CACNG2: variants seen among roughly 807,000 people sequenced by gnomAD.
CACNG2 encodes calcium voltage-gated channel auxiliary subunit gamma 2, also known as voltage-dependent calcium channel gamma-2 subunit.
In CACNG2, 3 loss-of-function variants were observed where a neutral mutation model predicts 25.9. That is an observed-to-expected ratio of 0.12 (90% confidence interval 0.05 to 0.30). The LOEUF (loss-of-function observed/expected upper bound fraction) is 0.30, where lower values mean the gene tolerates loss of function less well. Ranked by LOEUF, CACNG2 falls within the 10% of genes least tolerant of loss-of-function variation. The pLI is 1.00. For synonymous variants in CACNG2, 167 were observed against 173.3 expected (o/e 0.96, Z 0.29); for missense variants, 341 against 432.5 (o/e 0.79, Z 1.88).
At chr22:36,678,865 T>G (rs1437363820) in intron 1 of CACNG2, among the ~76,000 whole-genome samples, 1 of 152,130 alleles carries the variant, frequency 6.6e-6, no homozygotes, top group Admixed American at 6.5e-5. Flanking sequence ...TTCCCACTTC[T>G]CAAACCCTAC....
chr22:36,651,224 CTTT>C (rs11411019), intron 1 of CACNG2, among the ~76,000 whole-genome samples: 1 of 83,136 alleles, frequency 1.2e-5, no homozygotes, highest in Non-Finnish European at 2.2e-5. Context: ...CTTCTTCCTC[CTTT>C]TTTTTTTTTT....
intron 1 of CACNG2, among the ~76,000 whole-genome samples, chr22:36,696,649 A>G (rs1309466124): frequency 1.3e-5 from 2 of 152,208 alleles, no homozygotes; most frequent in Non-Finnish European, 2.9e-5. Flanking sequence ...AGAGACAGAC[A>G]CCACATATAA....
chr22:36,619,358 C>A lies in CACNG2; in HGVS notation c.212-31810G>T, dbSNP rs185863978. ...TCACTAGGTGCAAATTTCTTACGCT[C>A]ACGCTCACAGCTCTCATACAATTGT... On this transcript the variant is annotated intron_variant, in intron 1 of 3. Coordinates refer to ENST00000300105, the MANE Select transcript of CACNG2 (RefSeq NM_006078.5). 4.3e-3 allele frequency among the ~76,000 whole-genome samples: 651 copies of A among 152,312 alleles called. 4 individuals carry two copies. The highest frequency in any genetic ancestry group is 0.017 in the Middle Eastern group (5 of 294).
chr22:36,674,887 C>T (rs1480960192), intron 1 of CACNG2, among the ~76,000 whole-genome samples: 2 of 152,170 alleles, frequency 1.3e-5, no homozygotes, highest in African/African-American at 4.8e-5. Flanking sequence ...TCTGTTTTCT[C>T]ATCTGTAAAG....
rs1160485944 is a variant in CACNG2 at position 36,566,597 on chromosome 22, G to A, written c.296-104C>T. 3 of 1,233,614 alleles carry A rather than the reference G, an allele frequency of 2.4e-6. No individual in the cohort carries two copies. The African/African-American group carries it at 4.4e-5, about 18-fold the overall frequency. 76.4% of individuals were successfully genotyped at this position (1,233,614 alleles called of 1,614,324 possible). ...AGCCCCGAGGCGCTGGGGGTTTATG[G>A]ACACAGCCTTAGAGGAGAGGTTGCT... On this transcript the variant is annotated intron_variant, in intron 2 of 3. Coordinates refer to ENST00000300105, the MANE Select transcript of CACNG2 (RefSeq NM_006078.5).
intron 1 of CACNG2, among the ~76,000 whole-genome samples, chr22:36,657,303 A>T (rs1936721406): frequency 6.6e-6 from 1 of 152,250 alleles, no homozygotes; most frequent in Admixed American, 6.5e-5. Flanking sequence ...AAGGAGTGAG[A>T]CAAGTCTTCA....
chr22:36,662,932 C>T (rs1321266038), intron 1 of CACNG2, among the ~76,000 whole-genome samples: 7 of 151,972 alleles, frequency 4.6e-5, no homozygotes, highest in East Asian at 3.9e-4. Context: ...TGGACCTTGG[C>T]GTAGTTATCT....
At chr22:36,632,442 C>CTAAT (rs942628123) in intron 1 of CACNG2, among the ~76,000 whole-genome samples, 1 of 151,410 alleles carries the variant, frequency 6.6e-6, no homozygotes, top group Non-Finnish European at 1.5e-5. Context: ...CTATGCCCAG[C>CTAAT]TAATACTAGG....
At chr22:36,649,578 G>A (rs189870586) in intron 1 of CACNG2, among the ~76,000 whole-genome samples, 68 of 152,226 alleles carry the variant, frequency 4.5e-4, no homozygotes, top group African/African-American at 1.4e-3. Context: ...GAGCCACCAC[G>A]CCCGGCCAAC....
intron 1 of CACNG2, among the ~76,000 whole-genome samples, chr22:36,679,197 CCTTTCTTTCTTTCTTTCTTT>C (rs1241104277): frequency 3.7e-5 from 2 of 54,786 alleles, no homozygotes; most frequent in African/African-American, 1.4e-4. Context: ...TTCCTTCCTT[CCTTTCTTTCTTTCTTTCTTT>C]CTTTCTTTCT....
chr22:36,623,127 T>G (rs1040420886), intron 1 of CACNG2, among the ~76,000 whole-genome samples: 1 of 149,238 alleles, frequency 6.7e-6, no homozygotes, highest in Non-Finnish European at 1.5e-5. Context: ...TTCAAGAGAT[T>G]CTCCTGCCTC....
intron 1 of CACNG2, among the ~76,000 whole-genome samples, chr22:36,680,042 C>T (rs537102160): frequency 4.6e-5 from 7 of 151,376 alleles, no homozygotes; most frequent in East Asian, 2.0e-4. Context: ...ACTACCACCA[C>T]CATCAGCATC....
At position 36,564,093 on chromosome 22, in the gene CACNG2, G is replaced by A. The variant is rs990929009; in HGVS notation, c.*258C>T. On this transcript the variant is annotated 3_prime_UTR_variant, in exon 4 of 4. Coordinates refer to ENST00000300105, the MANE Select transcript of CACNG2 (RefSeq NM_006078.5). The surrounding 1 kb of genome is among the most constrained non-coding windows in gnomAD (Gnocchi z 6.7). ...TTTTTAAAGTTTGTTTTCTTCCCTC[G>A]TTTATATTTTCCCACATTTCCTGTT... 24 of 339,476 alleles carry A rather than the reference G, an allele frequency of 7.1e-5. No homozygotes were observed. Among genetic ancestry groups the A allele is most frequent in the Middle Eastern group, 1.6e-3 (2 of 1,290 alleles). 21.0% of individuals were successfully genotyped at this position (339,476 alleles called of 1,614,324 possible).
At chr22:36,698,572 T>C (rs1264238392) in intron 1 of CACNG2, among the ~76,000 whole-genome samples, 1 of 151,992 alleles carries the variant, frequency 6.6e-6, no homozygotes, top group African/African-American at 2.4e-5. Context: ...TTTGGGACCA[T>C]TGAGAGAGAC....
intron 1 of CACNG2, among the ~76,000 whole-genome samples, chr22:36,646,465 T>C (rs1936525987): frequency 1.3e-5 from 2 of 152,234 alleles, no homozygotes. Flanking sequence ...AGCCAAGTTT[T>C]ATCTATAGCT....
intron 1 of CACNG2, among the ~76,000 whole-genome samples, chr22:36,619,929 T>C (rs1041403224): frequency 6.6e-6 from 1 of 152,262 alleles, no homozygotes; most frequent in African/African-American, 2.4e-5. Context: ...ATGCTGTCAC[T>C]TGGGGTCATC....
chr22:36,564,203 GTTTTTTTGTTTTTTGTTTTTTTGT>G lies in CACNG2; in HGVS notation c.*124_*147del, dbSNP rs1935081887. The G allele has an allele frequency of 6.3e-6, 4 of 632,580 alleles. No individual in the cohort carries two copies. The highest frequency in any genetic ancestry group is 1.0e-5 in the Non-Finnish European group (4 of 390,168). The allele number at this position is 632,580 out of a possible 1,614,324, so 39.2% of individuals were successfully genotyped here. Reference sequence around the variant, plus strand: ...TTTTTCTCTTTTTTTGTGTGTGTGTGTTTTTTTGTTTTTTGTTTTTTTGTTTTTTTTGTTTTTTGTTTTTGCTTT... The same window carrying G: ...TTTTTCTCTTTTTTTGTGTGTGTGTGTTTTTTTGTTTTTTGTTTTTGCTTT... On this transcript the variant is annotated 3_prime_UTR_variant, in exon 4 of 4. Transcript: ENST00000300105. The surrounding 1 kb of genome is among the most constrained non-coding windows in gnomAD (Gnocchi z 6.7).
chr22:36,564,305 G>T lies in CACNG2; in HGVS notation c.*46C>A. On this transcript the variant is annotated 3_prime_UTR_variant, in exon 4 of 4. Transcript: ENST00000300105. This position sits in a 1 kb window ranked among gnomAD's most constrained non-coding sequence, Gnocchi z 6.7. ...GTCTCCCCGCCCCGCCCCGCCCCCG[G>T]GGACCGCGCCCTCCTCCCGCGGTCT... 3.8e-6 allele frequency: 6 copies of T among 1,572,302 alleles called. No individual in the cohort carries two copies. Among genetic ancestry groups the T allele is most frequent in the Non-Finnish European group, 5.2e-6 (6 of 1,155,782 alleles).
At chr22:36,573,268 AT>A (rs1935261849) in intron 2 of CACNG2, among the ~76,000 whole-genome samples, 1 of 152,188 alleles carries the variant, frequency 6.6e-6, no homozygotes, top group African/African-American at 2.4e-5. Flanking sequence ...ATATAATAGT[AT>A]GGCCTCTGAA....
Sources: allele counts gnomAD v4.1 joint callset (sites outside exome capture counted in the v4.1 genomes callset), GRCh38; gene constraint gnomAD v4.1.1; non-coding constraint Gnocchi (gnomAD v3.1); transcripts MANE v1.5; gene names NCBI Gene and HGNC (gene_info 2026-07-23, HGNC 2026-07-21).